Variants in ACBD4 observed in about 807,000 individuals in gnomAD.
The protein encoded by ACBD4 is acyl-CoA-binding domain-containing protein 4.
Under a neutral mutation model 46.0 loss-of-function variants are expected in ACBD4, and 41 were observed. The ratio of observed to expected loss-of-function variants is 0.89; its 90% confidence interval spans 0.69 to 1.16. The LOEUF (loss-of-function observed/expected upper bound fraction) is 1.16. Ranked by LOEUF, ACBD4 falls within the 50% of genes most tolerant of loss-of-function variation. ACBD4 has a pLI of 0.00. For synonymous variants in ACBD4, 162 were observed against 155.9 expected, an observed-to-expected ratio of 1.04 and a Z score of -0.29; for missense variants, 393 against 399.5, an observed-to-expected ratio of 0.98 and a Z score of 0.14.
At chr17:45,142,639 T>G (rs1197205473) in intron 9 of ACBD4, 3 of 181,756 alleles carry the variant, frequency 1.7e-5, no homozygotes, top group Non-Finnish European at 3.5e-5. Context: ...CACTGCAACC[T>G]CCGCCTCCCC....
intron 5 of ACBD4, 110 bp downstream of exon 5, chr17:45,137,249 C>T: frequency 6.3e-7 from 1 of 1,597,478 alleles, no homozygotes; most frequent in Non-Finnish European, 8.6e-7. Context: ...TTAGGGCCCC[C>T]AAGCCCCCGA....
chr17:45,140,482 C>G (rs1298378396), intron 9 of ACBD4, among the ~76,000 whole-genome samples: 3 of 149,868 alleles, frequency 2.0e-5, no homozygotes, highest in African/African-American at 7.3e-5. Context: ...CGCCTGGCCC[C>G]CTTTTCTTTT....
At chr17:45,132,452 G>T (rs2054477579), upstream of ACBD4, 1 of 1,155,434 alleles carries the variant, frequency 8.7e-7, no homozygotes, top group Non-Finnish European at 1.1e-6. The surrounding 1 kb of genome is among the most constrained non-coding windows in gnomAD (Gnocchi z 4.6). Flanking sequence ...GTCTGCACGC[G>T]GGGACAGGGC....
chr17:45,138,008 C>G lies in ACBD4; in HGVS notation c.649+20C>G, dbSNP rs2054982579. On this transcript the variant is annotated intron_variant, in intron 8 of 9. Transcript: ENST00000321854. The stretch of plus-strand genomic sequence containing the variant: ...AGAAAGGTGAGCTCCTACCCAACCT[C>G]TCACCCACTTCTGCCCTTTCCCGTG... 1 of 1,607,824 alleles carries G rather than the reference C, an allele frequency of 6.2e-7. No individual in the cohort carries two copies. Among genetic ancestry groups the G allele is most frequent in the Middle Eastern group, 1.8e-4 (1 of 5,620 alleles).
rs200711802 is a variant in ACBD4 at position 45,136,445 on chromosome 17, C to T, written c.89-55C>T. On this transcript the variant is annotated intron_variant, in intron 2 of 9. Coordinates refer to ENST00000321854, the MANE Select transcript of ACBD4 (RefSeq NM_001135705.3). ...TCCAAGCAGGGTTCTCCCGCCCCTC[C>T]GCCCCTTGGAGCTGGGAGTGATGCT... The T allele has an allele frequency of 3.6e-5, 57 of 1,575,514 alleles. 2 individuals carry two copies. Among genetic ancestry groups the T allele is most frequent in the South Asian group, 3.6e-4 (31 of 86,012 alleles).
chr17:45,142,558 T>C (rs1210994635), intron 9 of ACBD4: 1 of 203,880 alleles, frequency 4.9e-6, no homozygotes, highest in Non-Finnish European at 1.0e-5. Context: ...GTAATTCTTT[T>C]TTTTTTTTTT....
At position 45,136,202 on chromosome 17, in the gene ACBD4, G is replaced by T; in HGVS notation, c.58G>T (p.Val20Leu). ...PDCQKQFQAA[V>L]SVIQNLPKNG... ...CTGCCAGAAACAGTTCCAGGCTGCA[G>T]TGAGCGTCATCCAGAACCTGCCCAA... Residue 20 changes from valine (V) to leucine (L), a missense_variant, in exon 2 of 10, where the codon GTG becomes TTG. By Grantham distance (32) the Val-to-Leu change is conservative. Transcript: ENST00000321854. The T allele has an allele frequency of 1.9e-6, 3 of 1,613,788 alleles. No homozygotes were observed. The highest frequency in any genetic ancestry group is 1.7e-6 in the Non-Finnish European group (2 of 1,179,844).
At chr17:45,136,646 C>T (rs1252726335) in intron 3 of ACBD4, 26 bp downstream of exon 3, 1 of 1,613,846 alleles carries the variant, frequency 6.2e-7, no homozygotes, top group South Asian at 1.1e-5. Context: ...GCTGGGCAGA[C>T]AAGCCTCAGC....
At chr17:45,133,329 G>A (rs2054561326), upstream of ACBD4, 1 of 152,212 alleles carries the variant, frequency 6.6e-6, no homozygotes, top group Non-Finnish European at 1.5e-5. Flanking sequence ...CGGTGGCCTG[G>A]GTCCGGCAGA....
In ACBD4 at chr17:45,137,929, G is replaced by A. The variant is rs561659128; in HGVS notation, c.590G>A (p.Arg197Gln). ...LEPELVWTEQ[R>Q]AASGGKRDPR... is the part of the protein sequence containing the mutation. ...TCTCAGCAGGTTTGGACAGAGCAGC[G>A]GGCAGCATCTGGAGGAAAGCGTGAT... Residue 197 changes from arginine to glutamine, a missense_variant, in exon 8 of 10, where the codon CGG becomes CAG. This residue lies in a region of ACBD4 where 308 missense variants were observed against 301.8 expected (regional missense o/e 1.02). Transcript: ENST00000321854. 19 of 1,613,668 alleles carry A rather than the reference G, an allele frequency of 1.2e-5. No homozygotes were observed. Among genetic ancestry groups the A allele is most frequent in the African/African-American group, 1.1e-4 (8 of 74,870 alleles).
chr17:45,134,227 T>G (rs1003153846), upstream of ACBD4, among the ~76,000 whole-genome samples: 1 of 152,202 alleles, frequency 6.6e-6, no homozygotes, highest in South Asian at 2.1e-4. Flanking sequence ...CATAGCTCAC[T>G]GCAGCCTCAA....
intron 9 of ACBD4, among the ~76,000 whole-genome samples, chr17:45,142,389 CAAAAAAAAAAAA>C (rs1161132274): frequency 4.5e-4 from 13 of 28,584 alleles, no homozygotes; most frequent in African/African-American, 1.2e-3. Flanking sequence ...CAAGACTCCT[CAAAAAAAAAAAA>C]AAAAAAAAAA....
At position 45,136,921 on chromosome 17, in the gene ACBD4, C is replaced by T. The variant is rs2054881428; in HGVS notation, c.295-98C>T. On this transcript the variant is annotated intron_variant, in intron 4 of 9. Transcript: ENST00000321854. ...TACCCCCAACCCTGCCTATCTTTGGCCCCTGACTGGGCACAGGGTGGAGGT... is the reference window on the plus strand; with the variant it reads ...TACCCCCAACCCTGCCTATCTTTGGTCCCTGACTGGGCACAGGGTGGAGGT... The T allele has an allele frequency of 1.9e-6, 3 of 1,595,756 alleles. No homozygotes were observed. In the South Asian group the frequency reaches 3.3e-5, roughly 18 times the overall value.
Position 45,137,144 on chromosome 17 carries a change from G to A in ACBD4, c.415+5G>A, listed in dbSNP as rs775843723. The A allele has an allele frequency of 1.9e-6, 3 of 1,613,934 alleles. No individual in the cohort carries two copies. The highest frequency in any genetic ancestry group is 2.5e-6 in the Non-Finnish European group (3 of 1,180,012). On this transcript the variant is annotated splice_donor_5th_base_variant and intron_variant, in intron 5 of 9. Transcript: ENST00000321854. The stretch of plus-strand genomic sequence containing the variant: ...CCTTCCTGAGAAGGGTCACAGGTCA[G>A]ACTCCCAGGCTGGGAGCTCCAAAAG...
At position 45,137,109 on chromosome 17, in the gene ACBD4, C is replaced by T. The variant is rs753494123; in HGVS notation, c.385C>T (p.Pro129Ser). 31 of 1,613,996 alleles carry T rather than the reference C, an allele frequency of 1.9e-5. No homozygotes were observed. The highest frequency in any genetic ancestry group is 2.4e-5 in the Non-Finnish European group (28 of 1,180,026). ...CCAGGTGATCCCTGACATGCCGAGG[C>T]CCCCAGAGACCTTCCTGAGAAGGGT... is the stretch of plus-strand genomic sequence containing the variant. ...LYQVIPDMPRPPETFLRRVTG... is the reference protein window; with the variant it reads ...LYQVIPDMPRSPETFLRRVTG... Residue 129 changes from proline (P) to serine (S), a missense_variant, in exon 5 of 10, where the codon CCC (proline) becomes TCC (serine). Physicochemically the swap from Pro to Ser is moderately conservative, Grantham distance 74. Around this residue, in one of 3 missense-constraint regions of ACBD4, gnomAD observed 308 missense variants for 301.8 expected, o/e 1.02. Coordinates refer to ENST00000321854, the MANE Select transcript of ACBD4 (RefSeq NM_001135705.3).
At chr17:45,140,416 C>T (rs1476621832) in intron 9 of ACBD4, among the ~76,000 whole-genome samples, 2 of 150,770 alleles carry the variant, frequency 1.3e-5, no homozygotes, top group Non-Finnish European at 3.0e-5. Context: ...CTCTTGACCT[C>T]GTAATCCACC....
At chr17:45,132,828 G>T (rs930994310), upstream of ACBD4, among the ~76,000 whole-genome samples, 2 of 152,130 alleles carry the variant, frequency 1.3e-5, no homozygotes, top group Admixed American at 6.5e-5. This position sits in a 1 kb window ranked among gnomAD's most constrained non-coding sequence, Gnocchi z 4.6. Flanking sequence ...CGAGGCTGAC[G>T]CAGGACCCCC....
chr17:45,131,705 C>T (rs886138844), upstream of ACBD4, among the ~76,000 whole-genome samples: 1 of 152,254 alleles, frequency 6.6e-6, no homozygotes, highest in African/African-American at 2.4e-5. Context: ...GACTGACTTC[C>T]CCAAATCTGA....
chr17:45,139,041 C>A lies in ACBD4; in HGVS notation c.670C>A (p.Pro224Thr). 6.2e-7 allele frequency: 1 copy of A among 1,613,458 alleles called. No individual in the cohort carries two copies. The highest frequency in any genetic ancestry group is 8.5e-7 in the Non-Finnish European group (1 of 1,180,026). Residue 224 changes from proline to threonine, a missense_variant, in exon 9 of 10, where the codon CCG becomes ACG. Physicochemically the swap from Pro to Thr is conservative, Grantham distance 38. Around this residue, in one of 3 missense-constraint regions of ACBD4, gnomAD observed 308 missense variants for 301.8 expected, o/e 1.02. Transcript: ENST00000321854. ...TKKEGLRGSP[P>T]GPQELDVWLL... ...CGCAGAGGGGTTGCGGGGCAGCCCG[C>A]CGGGGCCCCAGGAGTTGGACGTGTG...
Sources: gnomAD v4.1 joint callset for allele counts (sites outside exome capture counted in the v4.1 genomes callset) on GRCh38, gnomAD v4.1.1 for gene constraint, gnomAD v4.1.1 regional missense constraint, Gnocchi (gnomAD v3.1) non-coding constraint, MANE v1.5 for transcripts, NCBI Gene and HGNC (gene_info 2026-07-23, HGNC 2026-07-21) for gene names.